Variants in COL22A1 observed in about 807,000 individuals in gnomAD.
COL22A1 encodes collagen type XXII alpha 1 chain.
COL22A1 carries 221 observed loss-of-function variants against 248.9 expected under a neutral mutation model. The ratio of observed to expected loss-of-function variants is 0.89; its 90% CI spans 0.80 to 0.99. The LOEUF is 0.99. COL22A1 is among the 50% of genes least tolerant of loss of function. The pLI is 0.00. For missense variants in COL22A1, 2,240 were observed against 2,179.0 expected (o/e 1.03, Z -0.56); for synonymous variants, 891 against 793.4 (o/e 1.12, Z -2.07).
intron 47 of COL22A1, among the ~76,000 whole-genome samples, chr8:138,638,632 G>GA (rs1385235582): frequency 1.3e-5 from 2 of 151,588 alleles, no homozygotes; most frequent in African/African-American, 2.4e-5. Context: ...GTTTAGAAGA[G>GA]AAAAAAAATG....
chr8:138,714,774 G>T (rs1264013312), intron 30 of COL22A1, among the ~76,000 whole-genome samples: 2 of 152,152 alleles, frequency 1.3e-5, no homozygotes, highest in African/African-American at 4.8e-5. Flanking sequence ...CTCCACAAAT[G>T]CCATGATGCC....
At chr8:138,668,377 A>C (rs1824691693) in intron 41 of COL22A1, among the ~76,000 whole-genome samples, 1 of 152,128 alleles carries the variant, frequency 6.6e-6, no homozygotes, top group Non-Finnish European at 1.5e-5. Flanking sequence ...GAATTTCTCC[A>C]TAATAAAAAT....
In COL22A1 at chr8:138,619,448, C is replaced by T; in HGVS notation, c.3825+7G>A. 6.2e-7 allele frequency: 1 copy of T among 1,613,826 alleles called. No homozygotes were observed. ...TCTACCGTTCCCCACACACACTACACACTTACAGGTGGGCCTCGGGCACCC... is the reference window on the plus strand; with the variant it reads ...TCTACCGTTCCCCACACACACTACATACTTACAGGTGGGCCTCGGGCACCC... On this transcript the variant is annotated splice_region_variant and intron_variant, in intron 53 of 64. Transcript: ENST00000303045.
At chr8:138,892,612 T>C (rs570569502) in intron 1 of COL22A1, among the ~76,000 whole-genome samples, 2 of 152,302 alleles carry the variant, frequency 1.3e-5, no homozygotes, top group Admixed American at 6.5e-5. Flanking sequence ...CCCCTGTCCC[T>C]GGGAGGCAGA....
chr8:138,606,494 A>T, intron 57 of COL22A1, 42 bp from the exon 58 acceptor site: 1 of 1,592,122 alleles, frequency 6.3e-7, no homozygotes, highest in Non-Finnish European at 8.6e-7. Context: ...AAGGTCACGT[A>T]CCAACTCAAG....
At chr8:138,878,492 C>A (rs1823926012) in intron 2 of COL22A1, among the ~76,000 whole-genome samples, 176 bp from the exon 3 acceptor site, 1 of 152,090 alleles carries the variant, frequency 6.6e-6, no homozygotes, top group African/African-American at 2.4e-5. Flanking sequence ...TCCACACCTT[C>A]ACATGGCAAT....
chr8:138,808,885 C>T (rs937616312), intron 9 of COL22A1, among the ~76,000 whole-genome samples: 1 of 152,232 alleles, frequency 6.6e-6, no homozygotes, highest in Non-Finnish European at 1.5e-5. Context: ...ACACAGTTCA[C>T]TCTCCCCATG....
chr8:138,672,263 C>A (rs965056446), intron 41 of COL22A1, among the ~76,000 whole-genome samples: 13 of 152,122 alleles, frequency 8.5e-5, no homozygotes, highest in African/African-American at 2.9e-4. Flanking sequence ...CTGGGAGAAA[C>A]AAATGAGAGA....
intron 11 of COL22A1, among the ~76,000 whole-genome samples, chr8:138,799,865 G>A (rs1330954915): frequency 6.6e-6 from 1 of 152,142 alleles, no homozygotes; most frequent in African/African-American, 2.4e-5. Flanking sequence ...CTTCTTAGTG[G>A]TGTTTTCCCC....
intron 64 of COL22A1, 33 bp from the exon 65 acceptor site, chr8:138,589,473 T>C: frequency 6.9e-7 from 1 of 1,455,466 alleles, no homozygotes; most frequent in Non-Finnish European, 9.1e-7. Flanking sequence ...CAGAAGGTGG[T>C]TCAAGATCCT....
chr8:138,768,815 T>C (rs1306866037), intron 16 of COL22A1, among the ~76,000 whole-genome samples: 1 of 152,048 alleles, frequency 6.6e-6, no homozygotes, highest in East Asian at 1.9e-4. Flanking sequence ...TGGGTGCCTA[T>C]AATCCCAGCT....
intron 11 of COL22A1, among the ~76,000 whole-genome samples, chr8:138,801,538 T>A (rs1816999741): frequency 6.6e-6 from 1 of 152,020 alleles, no homozygotes; most frequent in South Asian, 2.1e-4. Flanking sequence ...AAAAAGACAA[T>A]GGTCATTCAC....
At chr8:138,860,106 T>C (rs1423297443) in intron 3 of COL22A1, among the ~76,000 whole-genome samples, 1 of 152,130 alleles carries the variant, frequency 6.6e-6, no homozygotes, top group Admixed American at 6.5e-5. Context: ...CCCTTTCCCT[T>C]CCCCTCTCTT....
intron 3 of COL22A1, among the ~76,000 whole-genome samples, chr8:138,867,898 G>T (rs766859933): frequency 2.2e-4 from 33 of 152,104 alleles, no homozygotes; most frequent in Non-Finnish European, 2.8e-4. Context: ...CTGAGCAGCT[G>T]GGATTATAGG....
chr8:138,763,552 C>T (rs1833683193), intron 16 of COL22A1, among the ~76,000 whole-genome samples: 1 of 152,156 alleles, frequency 6.6e-6, no homozygotes, highest in Non-Finnish European at 1.5e-5. Context: ...TAACTCAGGC[C>T]TGGTGTTCCC....
intron 10 of COL22A1, among the ~76,000 whole-genome samples, chr8:138,803,549 C>G (rs1022017184): frequency 6.7e-6 from 1 of 148,928 alleles, no homozygotes; most frequent in African/African-American, 2.6e-5. Flanking sequence ...TAAAATAAAA[C>G]AAAACTTCCA....
chr8:138,647,704 C>T (rs1442787590), intron 46 of COL22A1, among the ~76,000 whole-genome samples: 4 of 152,088 alleles, frequency 2.6e-5, no homozygotes, highest in Admixed American at 2.0e-4. Flanking sequence ...GGTTCGTGGC[C>T]CCCTGCCAGG....
chr8:138,690,131 T>C (rs1334321489), intron 36 of COL22A1, among the ~76,000 whole-genome samples: 1 of 152,266 alleles, frequency 6.6e-6, no homozygotes, highest in Non-Finnish European at 1.5e-5. Flanking sequence ...CTCAGTCCTC[T>C]AAGCTACTAT....
intron 40 of COL22A1, among the ~76,000 whole-genome samples, chr8:138,679,223 T>C (rs966981651): frequency 9.2e-5 from 14 of 152,220 alleles, no homozygotes; most frequent in Admixed American, 5.9e-4. Flanking sequence ...CACATATAAA[T>C]GTCAGATAAA....
Sources: gnomAD v4.1 joint callset for allele counts (sites outside exome capture counted in the v4.1 genomes callset) on GRCh38, gnomAD v4.1.1 for gene constraint, MANE v1.5 for transcripts, NCBI Gene and HGNC (gene_info 2026-07-23, HGNC 2026-07-21) for gene names.